Variants in REPS2 observed in about 807,000 individuals in gnomAD.
The protein encoded by REPS2 is RALBP1 associated Eps domain containing 2, also known as ralBP1-associated Eps domain-containing protein 2.
A neutral mutation model predicts 53.6 loss-of-function variants in REPS2; 23 were observed. The observed-to-expected ratio is 0.43, with a 90% confidence interval of 0.31 to 0.61. The LOEUF is 0.61. Ranked by LOEUF, REPS2 falls within the 20% of genes least tolerant of loss-of-function variation. The probability of loss-of-function intolerance (pLI) is 0.11; values close to 1 mark genes in which losing one functional copy is unlikely to be tolerated. For missense variants in REPS2, 446 were observed against 534.9 expected (o/e 0.83, Z 1.64); for synonymous variants, 238 against 218.6 (o/e 1.09, Z -0.78).
At position 17,150,436 on chromosome X, in the gene REPS2, C is replaced by T. The variant is rs1049375966; in HGVS notation, c.*2955C>T. 5 of 112,558 alleles carry T rather than the reference C, an allele frequency of 4.4e-5. No individual in the cohort carries two copies. Among genetic ancestry groups the T allele is most frequent in the East Asian group, 2.8e-4 (1 of 3,604 alleles). The allele number at this position is 112,558 out of a possible 1,213,427, so 9.3% of individuals were successfully genotyped here. ...CTGACAGCTGGCTTATTTGGTCCCT[C>T]GGCATCTCTCGTATGTGGCATATTG... On this transcript the variant is annotated 3_prime_UTR_variant, in exon 18 of 18. Coordinates refer to ENST00000357277, the MANE Select transcript of REPS2 (RefSeq NM_004726.3).
intron 14 of REPS2, among the ~76,000 whole-genome samples, chrX:17,112,893 C>T (rs1361186720): frequency 1.9e-5 from 2 of 107,961 alleles, no homozygotes; most frequent in Non-Finnish European, 3.8e-5. Flanking sequence ...TCAAGACCAT[C>T]CTGGCTAACA....
chrX:17,050,145 T>TTCCTTCCTTC lies in REPS2; in HGVS notation c.908-2237_908-2236insTCCTTCCTTC, dbSNP rs1569148250. On this transcript the variant is annotated intron_variant, in intron 6 of 17. Transcript: ENST00000357277. Reference sequence around the variant, plus strand: ...TTCTTTCTTTCTTCCTTTCTTCCTTTCTTTCTTTCTTTCTTTCTTTCTTTC... The same window carrying TTCCTTCCTTC: ...TTCTTTCTTTCTTCCTTTCTTCCTTTTCCTTCCTTCCTTTCTTTCTTTCTTTCTTTCTTTC... Among the ~76,000 whole-genome samples the TTCCTTCCTTC allele has an allele frequency of 1.1e-3, 40 of 35,211 alleles. 1 individual carries two copies. In the East Asian group the frequency reaches 0.014, roughly 12 times the overall value. 30.6% of individuals were successfully genotyped at this position (35,211 alleles called of 115,157 possible). A position where few individuals can be genotyped will look rare whatever the true frequency, so the allele number is the denominator to read the frequency against.
At chrX:16,972,249 CTG>C (rs1200245978) in intron 1 of REPS2, among the ~76,000 whole-genome samples, 5 of 112,246 alleles carry the variant, frequency 4.5e-5, no homozygotes, top group Admixed American at 9.4e-5. Flanking sequence ...GAAGACAACA[CTG>C]TGGAAAAATG....
At chrX:17,183,678 A>G in the REPS2 span, among the ~76,000 whole-genome samples, 1 of 112,142 alleles carries the variant, frequency 8.9e-6, no homozygotes, top group Non-Finnish European at 1.9e-5. Context: ...TTGTAATTCT[A>G]CAATCCATCC....
rs767060112 is a variant in REPS2, at chrX:17,135,414, G to T, written c.1808+8G>T. 5 of 1,200,271 alleles carry T rather than the reference G, an allele frequency of 4.2e-6. No individual in the cohort carries two copies. The highest frequency in any genetic ancestry group is 1.1e-6 in the Non-Finnish European group (1 of 891,878). ...GCATCCAACAGTCCAAAAGTAAGTAGACCACATAAACAAGAGTGAGGTAGG... is the reference window on the plus strand; with the variant it reads ...GCATCCAACAGTCCAAAAGTAAGTATACCACATAAACAAGAGTGAGGTAGG... On this transcript the variant is annotated splice_region_variant and intron_variant, in intron 16 of 17. Transcript: ENST00000357277.
chrX:17,190,918 C>T, the REPS2 span, among the ~76,000 whole-genome samples: 5 of 111,053 alleles, frequency 4.5e-5, no homozygotes, highest in South Asian at 3.8e-4. Flanking sequence ...CATCCATATG[C>T]GAAAAGATGA....
chrX:16,990,614 A>G (rs1312807949), intron 1 of REPS2, among the ~76,000 whole-genome samples: 1 of 103,311 alleles, frequency 9.7e-6, no homozygotes, highest in African/African-American at 3.6e-5. Flanking sequence ...TGTCTTAGGA[A>G]AAAAAAAAAA....
intron 14 of REPS2, among the ~76,000 whole-genome samples, chrX:17,104,775 T>C (rs990056304): frequency 1.8e-5 from 2 of 112,190 alleles, no homozygotes; most frequent in Admixed American, 9.5e-5. Flanking sequence ...AGAACTCCTT[T>C]CCAGGATGTA....
At chrX:17,163,375 A>G in the REPS2 span, among the ~76,000 whole-genome samples, 1 of 111,664 alleles carries the variant, frequency 9.0e-6, no homozygotes, top group Admixed American at 9.5e-5. Flanking sequence ...GCATACCATT[A>G]GTTGTATAGT....
intron 15 of REPS2, among the ~76,000 whole-genome samples, chrX:17,134,383 T>C (rs1458371477): frequency 1.8e-5 from 2 of 111,687 alleles, no homozygotes; most frequent in Non-Finnish European, 3.8e-5. Flanking sequence ...TCACTCATCA[T>C]GCTCTCCATT....
chrX:17,128,651 G>T (rs892578475), intron 14 of REPS2, among the ~76,000 whole-genome samples: 11 of 112,155 alleles, frequency 9.8e-5, no homozygotes, highest in Admixed American at 4.7e-4. Flanking sequence ...TTGAATAAAT[G>T]AATGCATAGA....
At chrX:17,082,895 T>TATGGTGACA (rs1352192697) in intron 13 of REPS2, among the ~76,000 whole-genome samples, 2 of 110,846 alleles carry the variant, frequency 1.8e-5, no homozygotes, top group Non-Finnish European at 3.8e-5. Context: ...ATGTCACCTA[T>TATGGTGACA]TATAAAAAAT....
intron 1 of REPS2, among the ~76,000 whole-genome samples, chrX:16,994,446 C>T (rs1224719274): frequency 9.1e-6 from 1 of 109,926 alleles, no homozygotes; most frequent in Non-Finnish European, 1.9e-5. Context: ...TATACACACA[C>T]GTAACATTTA....
chrX:17,185,143 A>T, the REPS2 span, among the ~76,000 whole-genome samples: 1 of 110,789 alleles, frequency 9.0e-6, no homozygotes, highest in East Asian at 2.8e-4. Context: ...GATCGACTAC[A>T]GCTGGTTGGT....
Position 16,962,274 on chromosome X carries a change from GATACAC to G in REPS2, c.273+15142_273+15147del, listed in dbSNP as rs2060671792. Among the ~76,000 whole-genome samples the G allele has an allele frequency of 6.4e-5, 4 of 62,815 alleles. No homozygotes were observed. The South Asian group carries it at 4.1e-3, about 64-fold the overall frequency. The allele number at this position is 62,815 out of a possible 115,157, so 54.5% of individuals were successfully genotyped here. On this transcript the variant is annotated intron_variant, in intron 1 of 17. Coordinates refer to ENST00000357277, the MANE Select transcript of REPS2 (RefSeq NM_004726.3). ...GGATGAGTGGCTAAAAATATCGTGG[GATACAC>G]ACACACACACACACACACACACACA... is the stretch of plus-strand genomic sequence containing the variant.
rs2063568401 is a variant in REPS2 at position 17,151,445 on chromosome X, G to GT, written c.*3970dup. On this transcript the variant is annotated 3_prime_UTR_variant, in exon 18 of 18. Coordinates refer to ENST00000357277, the MANE Select transcript of REPS2 (RefSeq NM_004726.3). ...AATAAGGTAATATTGGAATTCATGT[G>GT]TTTTTTGCAATTAAGGCAGGCATTT... 1 of 112,667 alleles carries GT rather than the reference G, an allele frequency of 8.9e-6. No homozygotes were observed. The highest frequency in any genetic ancestry group is 9.4e-5 in the Admixed American group (1 of 10,649). 9.3% of individuals were successfully genotyped at this position (112,667 alleles called of 1,213,427 possible).
chrX:16,974,716 T>C (rs1879355121), intron 1 of REPS2, among the ~76,000 whole-genome samples: 1 of 111,420 alleles, frequency 9.0e-6, no homozygotes, highest in African/African-American at 3.3e-5. Context: ...AGATTATGCA[T>C]TTTTAAAAAA....
intron 15 of REPS2, 107 bp from the exon 16 acceptor site, chrX:17,135,154 C>G (rs1422787703): frequency 8.5e-6 from 7 of 822,526 alleles, no homozygotes; most frequent in Non-Finnish European, 1.0e-5. Flanking sequence ...AGAGTACCCT[C>G]CTGATCTTGG....
Position 16,985,108 on chromosome X carries a change from T to C in REPS2, c.274-21113T>C, listed in dbSNP as rs767735962. Reference sequence around the variant, plus strand: ...TATACAAATTAAGAATTGAGGTTTTTTTTTTCTCTGTATATCTTCAACGTT... The same window carrying C: ...TATACAAATTAAGAATTGAGGTTTTCTTTTTCTCTGTATATCTTCAACGTT... On this transcript the variant is annotated intron_variant, in intron 1 of 17. Transcript: ENST00000357277. Among the ~76,000 whole-genome samples the C allele has an allele frequency of 4.5e-5, 5 of 112,036 alleles. No homozygotes were observed. The East Asian group carries it at 1.1e-3, about 25-fold the overall frequency.
Sources: gnomAD v4.1 joint callset for allele counts (sites outside exome capture counted in the v4.1 genomes callset) on GRCh38, gnomAD v4.1.1 for gene constraint, MANE v1.5 for transcripts, NCBI Gene and HGNC (gene_info 2026-07-23, HGNC 2026-07-21) for gene names.